PIK3CD: variants seen among roughly 807,000 people sequenced by gnomAD.
PIK3CD encodes the protein phosphatidylinositol-4,5-bisphosphate 3-kinase catalytic subunit delta, also known as phosphatidylinositol 4,5-bisphosphate 3-kinase catalytic subunit delta isoform.
PIK3CD carries 20 observed loss-of-function variants against 122.9 expected under a neutral mutation model. The observed-to-expected ratio is 0.16, with a 90% confidence interval of 0.11 to 0.24. The LOEUF is 0.24. PIK3CD is among the 10% of genes least tolerant of loss of function. The probability of loss-of-function intolerance (pLI) is 1.00; values close to 1 mark genes in which losing one functional copy is unlikely to be tolerated. For missense variants in PIK3CD, 787 were observed against 1,406.3 expected, an observed-to-expected ratio of 0.56 and a Z score of 7.04; for synonymous variants, 596 against 593.4, an observed-to-expected ratio of 1.00 and a Z score of -0.06.
chr1:9,719,786 G>T lies in PIK3CD; in HGVS notation c.1243-135G>T. 1.3e-6 allele frequency: 1 copy of T among 781,726 alleles called. No homozygotes were observed. The highest frequency in any genetic ancestry group is 2.3e-6 in the Non-Finnish European group (1 of 436,602). The allele number at this position is 781,726 out of a possible 1,614,324, so 48.4% of individuals were successfully genotyped here. On this transcript the variant is annotated intron_variant, in intron 9 of 23. Coordinates refer to ENST00000377346, the MANE Select transcript of PIK3CD (RefSeq NM_005026.5). The surrounding 1 kb of genome is among the most constrained non-coding windows in gnomAD (Gnocchi z 5.5). ...AGCGGCTCCTCTCCTTCCCCAAGCA[G>T]GGTCTCCCAGGGGTCTGGTTGGGAG...
Position 9,721,527 on chromosome 1 carries a change from T to A in PIK3CD, c.1895T>A (p.Phe632Tyr). The change falls in exon 15 of 24, where the codon TTC becomes TAC. Residue 632 changes from phenylalanine to tyrosine, a missense_variant. Phe to Tyr is a conservative substitution (Grantham distance 22, BLOSUM62 3). Around this residue, in one of 6 missense-constraint regions of PIK3CD, gnomAD observed 592 missense variants for 920.6 expected, o/e 0.64. Coordinates refer to ENST00000377346, the MANE Select transcript of PIK3CD (RefSeq NM_005026.5). ...ESYLDCELTK[F>Y]LLDRALANRK... is the part of the protein sequence containing the mutation. ...TACCTGGACTGCGAGCTGACCAAAT[T>A]CCTGCTGGACCGGGCCCTGGCCAAC... 1.2e-6 allele frequency: 2 copies of A among 1,613,780 alleles called. No homozygotes were observed. Among genetic ancestry groups the A allele is most frequent in the Non-Finnish European group, 1.7e-6 (2 of 1,180,016 alleles).
At chr1:9,645,956 G>T in the PIK3CD span, among the ~76,000 whole-genome samples, 2 of 151,174 alleles carry the variant, frequency 1.3e-5, no homozygotes, top group Non-Finnish European at 2.9e-5. Context: ...ATTTTTAGTA[G>T]AGATGGGGTT....
chr1:9,715,832 C>A lies in PIK3CD; in HGVS notation c.371-17C>A. On this transcript the variant is annotated splice_polypyrimidine_tract_variant and intron_variant, in intron 4 of 23. Coordinates refer to ENST00000377346, the MANE Select transcript of PIK3CD (RefSeq NM_005026.5). The surrounding 1 kb of genome is among the most constrained non-coding windows in gnomAD (Gnocchi z 4.1). ...CTGCCTGCCCCACCCGCTGACCCAG[C>A]CCTCCCCACCCCGCAGGCCTCCACG... 1 of 1,604,354 alleles carries A rather than the reference C, an allele frequency of 6.2e-7. No homozygotes were observed.
At chr1:9,654,311 C>T (rs754215198) in intron 1 of PIK3CD, 1 of 1,367,756 alleles carries the variant, frequency 7.3e-7, no homozygotes, top group South Asian at 1.1e-5. Context: ...GTCCACGCCG[C>T]CAGGTCTTTG....
chr1:9,654,785 C>A (rs1644795023), intron 1 of PIK3CD, among the ~76,000 whole-genome samples: 1 of 152,004 alleles, frequency 6.6e-6, no homozygotes. Flanking sequence ...TCAGGCTGGG[C>A]GCGGTGGCTC....
Position 9,710,158 on chromosome 1 carries a change from T to C in PIK3CD, c.-32-266T>C, listed in dbSNP as rs1646991224. The C allele has an allele frequency of 2.2e-6, 1 of 448,152 alleles. No individual in the cohort carries two copies. The highest frequency in any genetic ancestry group is 2.1e-5 in the South Asian group (1 of 48,174). The allele number at this position is 448,152 out of a possible 1,614,324, so 27.8% of individuals were successfully genotyped here. A position where few individuals can be genotyped will look rare whatever the true frequency, so the allele number is the denominator to read the frequency against. ...GTGTATGTTCCTGAGGAAAGATGAT[T>C]TGCTGTGCGTGCTCCTGTGGGGAGG... On this transcript the variant is annotated intron_variant, in intron 2 of 23. Coordinates refer to ENST00000377346, the MANE Select transcript of PIK3CD (RefSeq NM_005026.5). This position sits in a 1 kb window ranked among gnomAD's most constrained non-coding sequence, Gnocchi z 4.7.
chr1:9,716,379 C>A, intron 5 of PIK3CD, 61 bp from the exon 6 acceptor site: 1 of 1,541,224 alleles, frequency 6.5e-7, no homozygotes, highest in South Asian at 1.1e-5. Context: ...CAACCCTGCC[C>A]TGTGCCCCAG....
At chr1:9,642,266 CCA>C in the PIK3CD span, among the ~76,000 whole-genome samples, 1 of 151,768 alleles carries the variant, frequency 6.6e-6, no homozygotes, top group Non-Finnish European at 1.5e-5. Flanking sequence ...GCATGCACCA[CCA>C]TGCCCAGCTA....
At chr1:9,726,279 C>A (rs539163509) in intron 23 of PIK3CD, among the ~76,000 whole-genome samples, 3 of 151,982 alleles carry the variant, frequency 2.0e-5, no homozygotes, top group African/African-American at 4.8e-5. Context: ...GAGGCCAAGG[C>A]GGGTGAATCA....
Position 9,715,915 on chromosome 1 carries a change from T to C in PIK3CD, c.437T>C (p.Phe146Ser). 6.2e-7 allele frequency: 1 copy of C among 1,612,488 alleles called. No homozygotes were observed. The highest frequency in any genetic ancestry group is 8.5e-7 in the Non-Finnish European group (1 of 1,179,864). The change falls in exon 5 of 24, where the codon TTC becomes TCC. Residue 146 changes from phenylalanine (F) to serine (S), a missense_variant. By Grantham distance (155) the Phe-to-Ser change is radical. Transcript: ENST00000377346. The surrounding 1 kb of genome is among the most constrained non-coding windows in gnomAD (Gnocchi z 4.1). ...GACTTTCGCGCCAAGATGTGCCAAT[T>C]CTGCGAGGAGGCGGCCGCCCGCCGG... ...VNDFRAKMCQ[F>S]CEEAAARRQQ...
intron 1 of PIK3CD, among the ~76,000 whole-genome samples, chr1:9,663,296 C>G (rs1291471972): frequency 6.6e-6 from 1 of 152,190 alleles, no homozygotes; most frequent in Non-Finnish European, 1.5e-5. Context: ...TACCCCACAG[C>G]CCTGTGCAGT....
In PIK3CD at chr1:9,701,083, C is replaced by T. The variant is rs193217769; in HGVS notation, c.-32-9341C>T. Among the ~76,000 whole-genome samples, 30 of 152,242 alleles carry T rather than the reference C, an allele frequency of 2.0e-4. 1 individual carries two copies. The East Asian group carries it at 5.0e-3, about 26-fold the overall frequency. ...GTGGATGAAAATCGCATCCCTCACT[C>T]CCTCACCTAAAATCCTCCAGGGCTG... On this transcript the variant is annotated intron_variant, in intron 2 of 23. Coordinates refer to ENST00000377346, the MANE Select transcript of PIK3CD (RefSeq NM_005026.5).
At chr1:9,648,561 G>A (rs1240579358), upstream of PIK3CD, among the ~76,000 whole-genome samples, 1 of 152,218 alleles carries the variant, frequency 6.6e-6, no homozygotes, top group Non-Finnish European at 1.5e-5. Context: ...AGTTCCTTCT[G>A]AAACGTCCAT....
At chr1:9,716,382 T>A in intron 5 of PIK3CD, 58 bp from the exon 6 acceptor site, 2 of 1,555,450 alleles carry the variant, frequency 1.3e-6, no homozygotes, top group Non-Finnish European at 1.8e-6. Context: ...CCCTGCCCTG[T>A]GCCCCAGAAC....
intron 1 of PIK3CD, among the ~76,000 whole-genome samples, chr1:9,657,968 G>GC (rs145298721): frequency 1.2e-3 from 181 of 151,494 alleles, no homozygotes; most frequent in Admixed American, 2.8e-3. Context: ...GAAGGGCTGG[G>GC]CCCCCCCCTT....
At chr1:9,702,811 G>A (rs189095203) in intron 2 of PIK3CD, among the ~76,000 whole-genome samples, 16 of 152,118 alleles carry the variant, frequency 1.1e-4, no homozygotes, top group South Asian at 6.2e-4. Flanking sequence ...ATGAGCCACC[G>A]TGCCCGGTCA....
At chr1:9,669,912 G>A (rs1018195142) in intron 1 of PIK3CD, among the ~76,000 whole-genome samples, 5 of 152,034 alleles carry the variant, frequency 3.3e-5, no homozygotes, top group African/African-American at 9.7e-5. Flanking sequence ...GGTGGCTCAC[G>A]CCTGTAATCC....
Position 9,724,652 on chromosome 1 carries a change from G to A in PIK3CD, c.2865-152G>A. ...TAGCAGGAGGCTGGCTGGGGCACGG[G>A]GGTCAGTTAGCAGAACTGGAGGCCT... On this transcript the variant is annotated intron_variant, in intron 22 of 23. Coordinates refer to ENST00000377346, the MANE Select transcript of PIK3CD (RefSeq NM_005026.5). The surrounding 1 kb of genome is among the most constrained non-coding windows in gnomAD (Gnocchi z 7.3). 1 of 1,136,336 alleles carries A rather than the reference G, an allele frequency of 8.8e-7. No individual in the cohort carries two copies. The highest frequency in any genetic ancestry group is 2.3e-5 in the East Asian group (1 of 42,666). The allele number at this position is 1,136,336 out of a possible 1,614,324, so 70.4% of individuals were successfully genotyped here.
At position 9,691,494 on chromosome 1, in the gene PIK3CD, C is replaced by G. The variant is rs1236865004; in HGVS notation, c.-110C>G. 1.3e-5 allele frequency: 5 copies of G among 398,544 alleles called. No individual in the cohort carries two copies. The highest frequency in any genetic ancestry group is 2.2e-5 in the Non-Finnish European group (5 of 226,074). 24.7% of individuals were successfully genotyped at this position (398,544 alleles called of 1,614,324 possible). A position where few individuals can be genotyped will look rare whatever the true frequency, so the allele number is the denominator to read the frequency against. ...AAGGAGTCAGGCCAGGGCGGGATGA[C>G]ACTCATTGATTCTAAAGCATCTTTA... is the stretch of plus-strand genomic sequence containing the variant. On this transcript the variant is annotated 5_prime_UTR_variant, in exon 2 of 24. Transcript: ENST00000377346.
Sources: allele counts gnomAD v4.1 joint callset (sites outside exome capture counted in the v4.1 genomes callset), GRCh38; gene constraint gnomAD v4.1.1; regional missense constraint gnomAD v4.1.1; non-coding constraint Gnocchi (gnomAD v3.1); transcripts MANE v1.5; gene names NCBI Gene and HGNC (gene_info 2026-07-23, HGNC 2026-07-21).